SLCO3A1: variants seen among roughly 807,000 people sequenced by gnomAD.
SLCO3A1 encodes solute carrier organic anion transporter family member 3A1.
Under a neutral mutation model 63.1 loss-of-function variants are expected in SLCO3A1, and 27 were observed. The ratio of observed to expected loss-of-function variants is 0.43; its 90% confidence interval spans 0.32 to 0.59. The LOEUF (loss-of-function observed/expected upper bound fraction) is 0.59, where lower values mean the gene tolerates loss of function less well. Among genes scored for constraint, SLCO3A1 ranks in the 20% least tolerant of loss-of-function variants. The probability of loss-of-function intolerance (pLI) is 0.09; values close to 1 mark genes in which losing one functional copy is unlikely to be tolerated. For missense variants in SLCO3A1, 773 were observed against 945.8 expected, an observed-to-expected ratio of 0.82 and a Z score of 2.40; for synonymous variants, 473 against 409.9, an observed-to-expected ratio of 1.15 and a Z score of -1.86.
At chr15:91,904,243 T>C (rs961503522) in intron 1 of SLCO3A1, among the ~76,000 whole-genome samples, 6 of 152,212 alleles carry the variant, frequency 3.9e-5, no homozygotes, top group African/African-American at 1.4e-4. Flanking sequence ...GGTATTTATT[T>C]GGGTACTTAT....
intron 2 of SLCO3A1, among the ~76,000 whole-genome samples, chr15:91,994,366 A>G (rs1489839380): frequency 1.3e-5 from 2 of 151,650 alleles, no homozygotes; most frequent in African/African-American, 2.4e-5. Flanking sequence ...ATTTTTATGG[A>G]TATATAGAGA....
chr15:92,037,696 AT>A (rs2046745629), intron 2 of SLCO3A1, among the ~76,000 whole-genome samples: 1 of 152,238 alleles, frequency 6.6e-6, no homozygotes, highest in Non-Finnish European at 1.5e-5. Context: ...CAACTGTGTA[AT>A]CCCCTGGAAG....
In SLCO3A1 at chr15:91,916,918, G is replaced by A. The variant is rs749549197; in HGVS notation, c.646+460G>A. On this transcript the variant is annotated intron_variant, in intron 2 of 9. Transcript: ENST00000318445. This position sits in a 1 kb window ranked among gnomAD's most constrained non-coding sequence, Gnocchi z 6.2. ...GCTTTGCCAGCATTTGGCATCATTC[G>A]AAGTTGGTGACTTCCGGTAATTTTT... is the stretch of plus-strand genomic sequence containing the variant. 2.0e-5 allele frequency among the ~76,000 whole-genome samples: 3 copies of A among 152,204 alleles called. No homozygotes were observed. The highest frequency in any genetic ancestry group is 7.2e-5 in the African/African-American group (3 of 41,448).
At chr15:92,160,081 AC>A (rs2048418292) in intron 9 of SLCO3A1, among the ~76,000 whole-genome samples, 1 of 151,926 alleles carries the variant, frequency 6.6e-6, no homozygotes, top group Non-Finnish European at 1.5e-5. Context: ...GCTCCCCGTC[AC>A]CAGGTGTTGG....
At chr15:91,887,217 G>T (rs1034170173) in intron 1 of SLCO3A1, among the ~76,000 whole-genome samples, 1 of 152,156 alleles carries the variant, frequency 6.6e-6, no homozygotes, top group African/African-American at 2.4e-5. Context: ...ATTCTTCAAT[G>T]CTTTCCTTTT....
At chr15:92,022,831 C>G (rs937423535) in intron 2 of SLCO3A1, among the ~76,000 whole-genome samples, 1 of 150,890 alleles carries the variant, frequency 6.6e-6, no homozygotes, top group African/African-American at 2.5e-5. Context: ...GGAGGCTTCC[C>G]AGGAAGAAGA....
chr15:91,883,209 G>A lies in SLCO3A1; in HGVS notation c.180+29121G>A, dbSNP rs2151348020. Among the ~76,000 whole-genome samples the A allele has an allele frequency of 6.6e-6, 1 of 152,334 alleles. No individual in the cohort carries two copies. Among genetic ancestry groups the A allele is most frequent in the South Asian group, 2.1e-4 (1 of 4,820 alleles). ...CCCCTTTTTTAACAGCGGGCAGTAA[G>A]TGGTCTGGGTTTCACTTACATCAGG... On this transcript the variant is annotated intron_variant, in intron 1 of 9. Transcript: ENST00000318445. This position sits in a 1 kb window ranked among gnomAD's most constrained non-coding sequence, Gnocchi z 4.8.
At position 92,126,196 on chromosome 15, in the gene SLCO3A1, C is replaced by T; in HGVS notation, c.1310C>T (p.Ser437Phe). 1.2e-6 allele frequency: 2 copies of T among 1,614,054 alleles called. No homozygotes were observed. Among genetic ancestry groups the T allele is most frequent in the Non-Finnish European group, 8.5e-7 (1 of 1,180,014 alleles). The change falls in exon 6 of 10, where the codon TCC (serine) becomes TTC (phenylalanine). Residue 437 changes from serine to phenylalanine, a missense_variant. Coordinates refer to ENST00000318445, the MANE Select transcript of SLCO3A1 (RefSeq NM_013272.4). ...CTGGTGTCCACTGCTTGCTACGTCT[C>T]CTTCCTCTTCCTGGGCTGCGACACT... ...VNLVSTACYV[S>F]FLFLGCDTGP...
intron 2 of SLCO3A1, among the ~76,000 whole-genome samples, chr15:92,093,201 G>A (rs934772980): frequency 6.6e-6 from 1 of 152,202 alleles, no homozygotes; most frequent in South Asian, 2.1e-4. Flanking sequence ...AGTGGCTCGG[G>A]GTTTTGCAGA....
chr15:91,963,814 G>A (rs1308341213), intron 2 of SLCO3A1, among the ~76,000 whole-genome samples: 1 of 152,132 alleles, frequency 6.6e-6, no homozygotes, highest in Non-Finnish European at 1.5e-5. Context: ...AGACTGAGCA[G>A]CAGCAAGATT....
chr15:92,164,679 T>G lies in SLCO3A1; in HGVS notation c.*1544T>G, dbSNP rs9302356. On this transcript the variant is annotated 3_prime_UTR_variant, in exon 10 of 10. Transcript: ENST00000318445. The stretch of plus-strand genomic sequence containing the variant: ...CGTGTGTCCAATGCGTGAAAATGTC[T>G]GTGACATTTTCAGTGTTAGTCTTGA... The G allele has an allele frequency of 1.0e-6, 1 of 984,712 alleles. No individual in the cohort carries two copies. Among genetic ancestry groups the G allele is most frequent in the Non-Finnish European group, 1.2e-6 (1 of 829,650 alleles). 61.0% of individuals were successfully genotyped at this position (984,712 alleles called of 1,614,324 possible).
At chr15:91,959,936 T>C (rs371640742) in intron 2 of SLCO3A1, among the ~76,000 whole-genome samples, 109 of 152,240 alleles carry the variant, frequency 7.2e-4, no homozygotes, top group Non-Finnish European at 1.4e-3. Flanking sequence ...GTCTATTTGA[T>C]TTGCCCATTC....
intron 2 of SLCO3A1, among the ~76,000 whole-genome samples, chr15:91,917,289 C>T (rs893732684): frequency 6.6e-6 from 1 of 152,200 alleles, no homozygotes; most frequent in African/African-American, 2.4e-5. Flanking sequence ...GAAAACATTA[C>T]CTCTACCCAG....
At chr15:92,109,209 G>A (rs1313193266) in intron 4 of SLCO3A1, among the ~76,000 whole-genome samples, 1 of 152,202 alleles carries the variant, frequency 6.6e-6, no homozygotes, top group African/African-American at 2.4e-5. Flanking sequence ...AGTAAGGCAA[G>A]TGAGGCTTGT....
chr15:91,971,192 G>A (rs1302422695), intron 2 of SLCO3A1, among the ~76,000 whole-genome samples: 5 of 151,668 alleles, frequency 3.3e-5, no homozygotes, highest in South Asian at 2.1e-4. Context: ...TCAGGAGATC[G>A]AAACCATCCT....
rs1355387374 is a variant in SLCO3A1 at position 91,912,540 on chromosome 15, A to G, written c.181-3453A>G. 6.6e-6 allele frequency among the ~76,000 whole-genome samples: 1 copy of G among 152,198 alleles called. No individual in the cohort carries two copies. Among genetic ancestry groups the G allele is most frequent in the Non-Finnish European group, 1.5e-5 (1 of 68,028 alleles). Reference sequence around the variant, plus strand: ...TTTTGCCCACAGCTGTCTCTGTCCCAATCACCCTTATCTGTCATCAATGTG... The same window carrying G: ...TTTTGCCCACAGCTGTCTCTGTCCCGATCACCCTTATCTGTCATCAATGTG... On this transcript the variant is annotated intron_variant, in intron 1 of 9. Transcript: ENST00000318445. The surrounding 1 kb of genome is among the most constrained non-coding windows in gnomAD (Gnocchi z 5.0).
chr15:91,934,749 T>C (rs6496878), intron 2 of SLCO3A1, among the ~76,000 whole-genome samples: 114,256 of 152,136 alleles, frequency 0.75, 43,182 homozygotes, highest in East Asian at 0.97. Context: ...ACATAATAGA[T>C]GGTTTCTTTT....
intron 1 of SLCO3A1, among the ~76,000 whole-genome samples, chr15:91,910,239 T>C (rs528178944): frequency 2.6e-5 from 4 of 152,272 alleles, no homozygotes; most frequent in African/African-American, 7.2e-5. Flanking sequence ...TAATTGATCT[T>C]TGTTGCATCC....
At chr15:92,128,554 T>A in intron 7 of SLCO3A1, 65 bp downstream of exon 7, 1 of 1,469,190 alleles carries the variant, frequency 6.8e-7, no homozygotes, top group Non-Finnish European at 9.2e-7. Flanking sequence ...AAAACCCAAG[T>A]TTTTGCCCAG....
Sources: allele counts gnomAD v4.1 joint callset (sites outside exome capture counted in the v4.1 genomes callset), GRCh38; gene constraint gnomAD v4.1.1; non-coding constraint Gnocchi (gnomAD v3.1); transcripts MANE v1.5; gene names NCBI Gene and HGNC (gene_info 2026-07-23, HGNC 2026-07-21).